Variants in ANLN observed in about 807,000 individuals in gnomAD.
ANLN encodes the protein anillin, actin binding protein, also known as anillin.
Under a neutral mutation model 135.1 loss-of-function variants are expected in ANLN, and 59 were observed. That is an observed-to-expected ratio of 0.44 (90% CI 0.35 to 0.54). The LOEUF (loss-of-function observed/expected upper bound fraction) is 0.54. ANLN is among the 20% of genes least tolerant of loss of function. The pLI is 0.00. For synonymous variants in ANLN, 406 were observed against 456.4 expected (o/e 0.89, Z 1.41); for missense variants, 1,182 against 1,340.0 (o/e 0.88, Z 1.84).
At chr7:36,394,956 G>A (rs1786635911) in intron 1 of ANLN, among the ~76,000 whole-genome samples, 1 of 152,122 alleles carries the variant, frequency 6.6e-6, no homozygotes, top group Non-Finnish European at 1.5e-5. Flanking sequence ...GAATGGCTAA[G>A]ATTTCAATTT....
At chr7:36,415,146 A>G (rs192588087) in intron 7 of ANLN, among the ~76,000 whole-genome samples, 132 of 152,350 alleles carry the variant, frequency 8.7e-4, no homozygotes, top group Non-Finnish European at 6.8e-4. Context: ...CAAAATAGTG[A>G]ATGTTCCTCT....
At chr7:36,398,934 G>T in intron 2 of ANLN, 145 bp from the exon 3 acceptor site, 1 of 637,686 alleles carries the variant, frequency 1.6e-6, no homozygotes, top group Non-Finnish European at 2.7e-6. Flanking sequence ...AGAGAATGGG[G>T]TTTTACATAC....
At position 36,410,645 on chromosome 7, in the gene ANLN, A is replaced by C; in HGVS notation, c.1228A>C (p.Arg410=). Residue 410 remains arginine, a synonymous_variant, in exon 6 of 24, where the codon AGA becomes CGA. Coordinates refer to ENST00000265748, the MANE Select transcript of ANLN (RefSeq NM_018685.5). The stretch of plus-strand genomic sequence containing the variant: ...TCCAAATACAAAGGCCATCCAAGAA[A>C]GATTATTCAAGCAAGACACATCTTC... The part of the protein sequence containing the change: ...ITPNTKAIQE[R]LFKQDTSSST... 3.7e-6 allele frequency: 6 copies of C among 1,614,134 alleles called. No individual in the cohort carries two copies. The highest frequency in any genetic ancestry group is 5.1e-6 in the Non-Finnish European group (6 of 1,180,022).
intron 20 of ANLN, among the ~76,000 whole-genome samples, chr7:36,432,854 A>G (rs35593232): frequency 0.081 from 12,318 of 152,284 alleles, 632 homozygotes; most frequent in East Asian, 0.14. Flanking sequence ...ATTTTGAAAT[A>G]CTGTTACACT....
intron 8 of ANLN, among the ~76,000 whole-genome samples, chr7:36,416,358 G>C (rs76056160): frequency 0.052 from 7,848 of 152,246 alleles, 315 homozygotes; most frequent in Non-Finnish European, 0.081. Flanking sequence ...TCTGTGAATA[G>C]AGATAATTTT....
Position 36,419,381 on chromosome 7 carries a change from T to C in ANLN, c.1771T>C (p.Leu591=). 10 of 1,614,150 alleles carry C rather than the reference T, an allele frequency of 6.2e-6. No individual in the cohort carries two copies. The highest frequency in any genetic ancestry group is 8.5e-6 in the Non-Finnish European group (10 of 1,180,020). Residue 591 remains leucine, a synonymous_variant, in exon 10 of 24, where the codon TTA becomes CTA. Transcript: ENST00000265748. ...EKSQEEMDQA[L]AESSEEQEDA... Reference sequence around the variant, plus strand: ...GAGCCAAGAGGAGATGGATCAAGCATTAGCAGAAAGCAGCGAAGAACAGGA... The same window carrying C: ...GAGCCAAGAGGAGATGGATCAAGCACTAGCAGAAAGCAGCGAAGAACAGGA...
At chr7:36,427,415 C>A (rs79625389) in intron 20 of ANLN, among the ~76,000 whole-genome samples, 5,086 of 151,920 alleles carry the variant, frequency 0.033, 123 homozygotes, top group South Asian at 0.048. Flanking sequence ...CACTCTGTCA[C>A]CTAGGTTGGA....
chr7:36,449,618 TTAAA>T (rs1387538588), intron 22 of ANLN, 43 bp from the exon 23 acceptor site: 9 of 1,472,318 alleles, frequency 6.1e-6, no homozygotes, highest in Admixed American at 2.0e-5. Flanking sequence ...GCTTACTGAC[TTAAA>T]TAGTCTTATT....
At chr7:36,412,257 C>T (rs2116610258) in intron 7 of ANLN, among the ~76,000 whole-genome samples, 1 of 149,984 alleles carries the variant, frequency 6.7e-6, no homozygotes, top group Admixed American at 6.7e-5. Flanking sequence ...GAACATCCTG[C>T]TTCTAGTCTC....
chr7:36,415,001 A>G (rs1787581871), intron 7 of ANLN, among the ~76,000 whole-genome samples: 1 of 152,252 alleles, frequency 6.6e-6, no homozygotes, highest in African/African-American at 2.4e-5. Flanking sequence ...GCTGGCACAT[A>G]TTGAGCTCTG....
At chr7:36,431,597 G>GTGTA (rs1306528982) in intron 20 of ANLN, among the ~76,000 whole-genome samples, 958 of 27,332 alleles carry the variant, frequency 0.035, 23 homozygotes, top group African/African-American at 0.067. Flanking sequence ...GTGTGTGTGT[G>GTGTA]TATATATATA....
intron 11 of ANLN, 123 bp downstream of exon 11, chr7:36,420,437 T>A (rs947351573): frequency 6.6e-6 from 9 of 1,369,440 alleles, no homozygotes; most frequent in Non-Finnish European, 9.0e-6. Flanking sequence ...TTGGAATAAC[T>A]TTTGTTAGCC....
intron 20 of ANLN, among the ~76,000 whole-genome samples, chr7:36,437,382 A>G (rs1052855201): frequency 6.6e-6 from 1 of 152,232 alleles, no homozygotes; most frequent in African/African-American, 2.4e-5. Context: ...TTTCTATGCT[A>G]AAGAATTTTT....
At chr7:36,394,274 T>G (rs189737517) in intron 1 of ANLN, among the ~76,000 whole-genome samples, 9 of 152,344 alleles carry the variant, frequency 5.9e-5, no homozygotes, top group Non-Finnish European at 1.0e-4. Context: ...TTATTGTGTT[T>G]AAACAGCAAA....
At chr7:36,446,042 A>G (rs1189011362) in intron 22 of ANLN, among the ~76,000 whole-genome samples, 1 of 152,054 alleles carries the variant, frequency 6.6e-6, no homozygotes, top group African/African-American at 2.4e-5. Context: ...GATTGTCTCT[A>G]TATTATTCAT....
chr7:36,430,807 G>A (rs1788282031), intron 20 of ANLN, among the ~76,000 whole-genome samples: 1 of 152,040 alleles, frequency 6.6e-6, no homozygotes, highest in Non-Finnish European at 1.5e-5. Context: ...AGTCTCCCTG[G>A]TTGTAGGTTA....
chr7:36,443,669 C>T, intron 21 of ANLN, 86 bp from the exon 22 acceptor site: 2 of 776,642 alleles, frequency 2.6e-6, no homozygotes, highest in Non-Finnish European at 4.3e-6. Flanking sequence ...TGTCAACATA[C>T]TACAGTTAGT....
At chr7:36,428,776 ATTTTTTT>A (rs35428425) in intron 20 of ANLN, among the ~76,000 whole-genome samples, 1 of 114,630 alleles carries the variant, frequency 8.7e-6, no homozygotes, top group Admixed American at 9.7e-5. Context: ...ATAAAAGCAG[ATTTTTTT>A]TTTTTTTTTT....
Position 36,452,472 on chromosome 7 carries a change from T to C in ANLN, c.3252-5T>C, listed in dbSNP as rs1462215936. Reference sequence around the variant, plus strand: ...TCTGACCTCTTTGGTTGTTTGTTCCTGTAGGAACTGGCTGTCTGCAGATAC... The same window carrying C: ...TCTGACCTCTTTGGTTGTTTGTTCCCGTAGGAACTGGCTGTCTGCAGATAC... On this transcript the variant is annotated splice_polypyrimidine_tract_variant and splice_region_variant and intron_variant, in intron 23 of 23. Transcript: ENST00000265748. 1.9e-6 allele frequency: 3 copies of C among 1,613,944 alleles called. No homozygotes were observed. The highest frequency in any genetic ancestry group is 3.3e-5 in the Admixed American group (2 of 60,018).
Sources: gnomAD v4.1 joint callset for allele counts (sites outside exome capture counted in the v4.1 genomes callset) on GRCh38, gnomAD v4.1.1 for gene constraint, MANE v1.5 for transcripts, NCBI Gene and HGNC (gene_info 2026-07-23, HGNC 2026-07-21) for gene names.